Variants in ARID5B observed in about 807,000 individuals in gnomAD.
ARID5B encodes AT-rich interaction domain 5B, also known as AT-rich interactive domain-containing protein 5B.
Under a neutral mutation model 97.2 loss-of-function variants are expected in ARID5B, and 13 were observed. The ratio of observed to expected loss-of-function variants is 0.13; its 90% CI spans 0.09 to 0.21. The LOEUF (loss-of-function observed/expected upper bound fraction) is 0.21, where lower values mean the gene tolerates loss of function less well. ARID5B is among the 10% of genes least tolerant of loss of function. The pLI, the probability that ARID5B is intolerant of heterozygous loss-of-function variation, is 1.00. For missense variants in ARID5B, 1,210 were observed against 1,465.3 expected (o/e 0.83, Z 2.84); for synonymous variants, 556 against 570.3 (o/e 0.97, Z 0.36).
In ARID5B at chr10:62,000,880, G is replaced by A. The variant is rs1204819507; in HGVS notation, c.733+559G>A. On this transcript the variant is annotated intron_variant, in intron 4 of 9. Coordinates refer to ENST00000279873, the MANE Select transcript of ARID5B (RefSeq NM_032199.3). The surrounding 1 kb of genome is among the most constrained non-coding windows in gnomAD (Gnocchi z 4.4). ...AGATAGATAGATAGATAGATGATAG[G>A]TGATAGATATCCATGTCCTGAATTT... Among the ~76,000 whole-genome samples the A allele has an allele frequency of 6.8e-6, 1 of 146,812 alleles. No individual in the cohort carries two copies. The highest frequency in any genetic ancestry group is 2.5e-5 in the African/African-American group (1 of 39,360).
intron 4 of ARID5B, chr10:62,025,271 T>C (rs1473742163): frequency 2.0e-5 from 3 of 152,240 alleles, no homozygotes; most frequent in Non-Finnish European, 4.4e-5. Flanking sequence ...ACAGTTCTTA[T>C]CTTACATCTT....
In ARID5B at chr10:61,935,891, G is replaced by A. The variant is rs183052308; in HGVS notation, c.277-4292G>A. 2.3e-4 allele frequency among the ~76,000 whole-genome samples: 35 copies of A among 152,212 alleles called. No homozygotes were observed. The East Asian group carries it at 5.6e-3, about 24-fold the overall frequency. ...TACTGTCTAGCTTTATATAGAGAGC[G>A]GAGTTCTCATATCTCCTTCTGCATT... On this transcript the variant is annotated intron_variant, in intron 2 of 9. Transcript: ENST00000279873.
intron 3 of ARID5B, among the ~76,000 whole-genome samples, chr10:61,962,460 G>T (rs1430015728): frequency 6.6e-6 from 1 of 152,192 alleles, no homozygotes; most frequent in Non-Finnish European, 1.5e-5. Flanking sequence ...TAGGATGCTT[G>T]TTAATGACTC....
At chr10:61,944,379 CAT>C (rs1447923800) in intron 3 of ARID5B, among the ~76,000 whole-genome samples, 1 of 151,988 alleles carries the variant, frequency 6.6e-6, no homozygotes, top group Non-Finnish European at 1.5e-5. Context: ...ACTTGATACC[CAT>C]ATTTGGTATG....
chr10:62,019,727 C>A (rs527850370), intron 4 of ARID5B, among the ~76,000 whole-genome samples: 1 of 152,176 alleles, frequency 6.6e-6, no homozygotes, highest in Non-Finnish European at 1.5e-5. Flanking sequence ...TGAGTTCATT[C>A]GAAGGTGTCC....
At chr10:61,977,559 G>T (rs1838718042) in intron 3 of ARID5B, among the ~76,000 whole-genome samples, 1 of 152,324 alleles carries the variant, frequency 6.6e-6, no homozygotes, top group South Asian at 2.1e-4. Context: ...TCTAACTGGT[G>T]TGAGATGGTA....
At chr10:61,951,428 A>G (rs1006149148) in intron 3 of ARID5B, among the ~76,000 whole-genome samples, 1 of 152,124 alleles carries the variant, frequency 6.6e-6, no homozygotes, top group African/African-American at 2.4e-5. Context: ...TGCTTTTTGA[A>G]TTTTTAACTA....
intron 4 of ARID5B, among the ~76,000 whole-genome samples, chr10:62,010,788 G>T (rs189255047): frequency 4.2e-4 from 64 of 152,308 alleles, no homozygotes; most frequent in African/African-American, 1.5e-3. Context: ...CAGGACAAAT[G>T]GTAGCCTGTA....
intron 3 of ARID5B, among the ~76,000 whole-genome samples, chr10:61,942,594 C>A (rs545314793): frequency 1.3e-5 from 2 of 152,134 alleles, no homozygotes; most frequent in Non-Finnish European, 2.9e-5. Flanking sequence ...GAGTTCAAGA[C>A]CAGCCTGGCC....
chr10:62,016,408 A>G (rs1839284746), intron 4 of ARID5B, among the ~76,000 whole-genome samples: 1 of 152,240 alleles, frequency 6.6e-6, no homozygotes, highest in African/African-American at 2.4e-5. Flanking sequence ...ATATACAATA[A>G]AAAGCACTGC....
At chr10:62,031,207 C>A (rs552773716) in intron 4 of ARID5B, among the ~76,000 whole-genome samples, 2 of 152,330 alleles carry the variant, frequency 1.3e-5, no homozygotes, top group Admixed American at 6.5e-5. Flanking sequence ...GCACTCCAGC[C>A]TGCATGACAG....
At position 61,947,261 on chromosome 10, in the gene ARID5B, C is replaced by CTTTTTTTTTTTTTT. The variant is rs199587188; in HGVS notation, c.502+6865_502+6878dup. On this transcript the variant is annotated intron_variant, in intron 3 of 9. Transcript: ENST00000279873. The stretch of plus-strand genomic sequence containing the variant: ...ACCAGTATATCTTCTCACTTACTTT[C>CTTTTTTTTTTTTTT]TTTTTTTTTTTTTTTTTTTTTTTTT... 1.1e-3 allele frequency among the ~76,000 whole-genome samples: 132 copies of CTTTTTTTTTTTTTT among 124,266 alleles called. 7 individuals carry two copies. Among genetic ancestry groups the CTTTTTTTTTTTTTT allele is most frequent in the Non-Finnish European group, 1.3e-3 (76 of 59,488 alleles). The allele number at this position is 124,266 out of a possible 152,430, so 81.5% of individuals were successfully genotyped here. A position where few individuals can be genotyped will look rare whatever the true frequency, so the allele number is the denominator to read the frequency against.
Position 62,092,564 on chromosome 10 carries a change from T to C in ARID5B, c.3101T>C (p.Leu1034Ser), listed in dbSNP as rs1325797528. Residue 1034 changes from leucine (L) to serine (S), a missense_variant, in exon 10 of 10, where the codon TTA becomes TCA. Leu to Ser is a moderately radical substitution (Grantham distance 145). Around this residue, in one of 8 missense-constraint regions of ARID5B, gnomAD observed 800 missense variants for 839.1 expected, o/e 0.95. Transcript: ENST00000279873. ...AGKKARAVSP[L>S]DPSKEVSGKE... The stretch of plus-strand genomic sequence containing the variant: ...AAAAAGGCCCGGGCAGTGTCTCCCT[T>C]AGACCCATCCAAGGAGGTCTCTGGG... The C allele has an allele frequency of 6.2e-7, 1 of 1,614,020 alleles. No individual in the cohort carries two copies. Among genetic ancestry groups the C allele is most frequent in the Non-Finnish European group, 8.5e-7 (1 of 1,180,020 alleles).
chr10:62,005,606 C>T (rs1001219961), intron 4 of ARID5B, among the ~76,000 whole-genome samples: 1 of 152,130 alleles, frequency 6.6e-6, no homozygotes, highest in Admixed American at 6.6e-5. Context: ...CTGAACTTTC[C>T]AGTCCTGTTT....
intron 2 of ARID5B, among the ~76,000 whole-genome samples, chr10:61,908,769 C>T (rs1589214106): frequency 7.4e-6 from 1 of 136,050 alleles, no homozygotes; most frequent in African/African-American, 2.8e-5. Flanking sequence ...CACTGCACTC[C>T]AGCCTGGGCA....
intron 4 of ARID5B, among the ~76,000 whole-genome samples, chr10:62,026,444 T>C (rs1324780932): frequency 6.6e-6 from 1 of 152,226 alleles, no homozygotes; most frequent in African/African-American, 2.4e-5. Context: ...GTGCTAACCT[T>C]TGAGGCACTC....
intron 3 of ARID5B, among the ~76,000 whole-genome samples, chr10:61,948,137 G>A (rs1838266232): frequency 6.6e-6 from 1 of 152,134 alleles, no homozygotes; most frequent in Admixed American, 6.5e-5. Flanking sequence ...TAGTATCCAG[G>A]CTACCAGTAT....
intron 2 of ARID5B, among the ~76,000 whole-genome samples, chr10:61,912,073 G>A (rs553660772): frequency 1.3e-4 from 20 of 152,226 alleles, no homozygotes; most frequent in Non-Finnish European, 2.6e-4. Context: ...TGTGAAAATC[G>A]ACTCCATTGT....
At chr10:62,065,845 CAA>C (rs60296263) in intron 7 of ARID5B, among the ~76,000 whole-genome samples, 4,130 of 88,708 alleles carry the variant, frequency 0.047, 54 homozygotes, top group African/African-American at 0.086. Context: ...GACTCTGTCT[CAA>C]AAAAAAAAAA....
Sources: allele counts gnomAD v4.1 joint callset (sites outside exome capture counted in the v4.1 genomes callset), GRCh38; gene constraint gnomAD v4.1.1; regional missense constraint gnomAD v4.1.1; non-coding constraint Gnocchi (gnomAD v3.1); transcripts MANE v1.5; gene names NCBI Gene and HGNC (gene_info 2026-07-23, HGNC 2026-07-21).